Variants in EIF4E3 observed in about 807,000 individuals in gnomAD.
The protein encoded by EIF4E3 is eukaryotic translation initiation factor 4E family member 3.
A neutral mutation model predicts 31.7 loss-of-function variants in EIF4E3; 26 were observed. The observed-to-expected ratio is 0.82, with a 90% CI of 0.60 to 1.14. The LOEUF (loss-of-function observed/expected upper bound fraction) is 1.14. EIF4E3 is among the 50% of genes most tolerant of loss of function. EIF4E3 has a pLI of 0.00. For synonymous variants in EIF4E3, 128 were observed against 107.7 expected, an observed-to-expected ratio of 1.19 and a Z score of -1.17; for missense variants, 304 against 270.9, an observed-to-expected ratio of 1.12 and a Z score of -0.86.
At chr3:71,697,484 T>C (rs1356871702) in intron 3 of EIF4E3, among the ~76,000 whole-genome samples, 1 of 152,240 alleles carries the variant, frequency 6.6e-6, no homozygotes, top group African/African-American at 2.4e-5. Context: ...TTGTTAACTA[T>C]AGTTACCCTA....
intron 2 of EIF4E3, among the ~76,000 whole-genome samples, chr3:71,704,484 C>A (rs1054160828): frequency 2.6e-5 from 4 of 152,188 alleles, no homozygotes; most frequent in Non-Finnish European, 5.9e-5. Flanking sequence ...GCCGGGAGGG[C>A]CTGCCACAAC....
chr3:71,672,796 T>TA (rs546461574), downstream of EIF4E3, among the ~76,000 whole-genome samples: 201 of 152,182 alleles, frequency 1.3e-3, no homozygotes, highest in African/African-American at 4.6e-3. Context: ...TTTTTTTTTT[T>TA]AAACCTTTTC....
chr3:71,660,102 T>C, the EIF4E3 span, among the ~76,000 whole-genome samples: 59,710 of 152,018 alleles, frequency 0.39, 12,933 homozygotes, highest in East Asian at 0.74. Flanking sequence ...GGAGAAGCTC[T>C]GCTCTAGGGG....
At chr3:71,739,243 A>G (rs2049795793) in intron 1 of EIF4E3, among the ~76,000 whole-genome samples, 1 of 151,628 alleles carries the variant, frequency 6.6e-6, no homozygotes, top group Admixed American at 6.6e-5. Context: ...TAAGGAAGAG[A>G]AAAATAAAGA....
chr3:71,705,358 A>G (rs2049277368), intron 2 of EIF4E3, among the ~76,000 whole-genome samples: 1 of 152,204 alleles, frequency 6.6e-6, no homozygotes, highest in South Asian at 2.1e-4. Flanking sequence ...GCGGATATGA[A>G]GTCTTGATAT....
intron 4 of EIF4E3, 36 bp from the exon 5 acceptor site, chr3:71,693,977 A>C: frequency 6.6e-7 from 1 of 1,513,440 alleles, no homozygotes; most frequent in Non-Finnish European, 8.8e-7. Context: ...AAAACAAACA[A>C]AATACAGATA....
At chr3:71,734,369 C>G (rs1274481542) in intron 1 of EIF4E3, among the ~76,000 whole-genome samples, 1 of 152,140 alleles carries the variant, frequency 6.6e-6, no homozygotes, top group Non-Finnish European at 1.5e-5. Context: ...TCAAAACCTA[C>G]CAGGTCACTC....
At chr3:71,745,288 T>C (rs936491673) in intron 1 of EIF4E3, among the ~76,000 whole-genome samples, 1 of 152,182 alleles carries the variant, frequency 6.6e-6, no homozygotes, top group African/African-American at 2.4e-5. Context: ...TGTATGTATA[T>C]AGAGGGTGGG....
intron 6 of EIF4E3, among the ~76,000 whole-genome samples, chr3:71,689,570 C>T (rs148996971): frequency 4.3e-4 from 66 of 152,288 alleles, no homozygotes; most frequent in African/African-American, 1.3e-3. Context: ...CATTCAATCA[C>T]GCCTGTGCTC....
chr3:71,696,429 C>T (rs768988956), intron 4 of EIF4E3, 31 bp downstream of exon 4: 66 of 1,612,776 alleles, frequency 4.1e-5, no homozygotes, highest in Non-Finnish European at 4.4e-5. Context: ...CAAGCCTCGC[C>T]GGTTCTAGAA....
chr3:71,696,963 C>T (rs546728841), intron 3 of EIF4E3, among the ~76,000 whole-genome samples: 4 of 151,734 alleles, frequency 2.6e-5, no homozygotes, highest in South Asian at 2.1e-4. Context: ...CGTGATCCAC[C>T]GGTCTCGGCC....
chr3:71,689,968 T>G (rs779820888), intron 6 of EIF4E3, 42 bp downstream of exon 6: 1 of 1,511,860 alleles, frequency 6.6e-7, no homozygotes, highest in African/African-American at 1.4e-5. Flanking sequence ...AAAAGTATGA[T>G]AGAGTAAGCT....
At chr3:71,708,042 T>A (rs748953149) in intron 2 of EIF4E3, among the ~76,000 whole-genome samples, 1 of 151,820 alleles carries the variant, frequency 6.6e-6, no homozygotes, top group Non-Finnish European at 1.5e-5. Context: ...CCAGGCTAAT[T>A]TTTGTATTTT....
chr3:71,712,369 C>A (rs1578361439), intron 1 of EIF4E3, among the ~76,000 whole-genome samples: 1 of 152,238 alleles, frequency 6.6e-6, no homozygotes, highest in African/African-American at 2.4e-5. Flanking sequence ...TGGATAGATA[C>A]TAAGTTGGCT....
chr3:71,713,278 G>C lies in EIF4E3; in HGVS notation c.177-2794C>G, dbSNP rs1026192517. ...GCCCATAGCCACAAATATGTGATTT[G>C]AATACAGGTGACCCATTTGTGATTT... On this transcript the variant is annotated intron_variant, in intron 1 of 6. Transcript: ENST00000425534. 4.6e-5 allele frequency among the ~76,000 whole-genome samples: 7 copies of C among 152,298 alleles called. No individual in the cohort carries two copies. In the East Asian group the frequency reaches 1.4e-3, roughly 29 times the overall value.
downstream of EIF4E3, among the ~76,000 whole-genome samples, chr3:71,672,522 T>C (rs2048851937): frequency 6.6e-6 from 1 of 152,162 alleles, no homozygotes; most frequent in East Asian, 1.9e-4. Flanking sequence ...TATCCTTTTG[T>C]TACCCTAATC....
chr3:71,728,608 G>T, upstream of EIF4E3: 1 of 152,968 alleles, frequency 6.5e-6, no homozygotes. Context: ...AGGAAGAGAA[G>T]GTGACCCCAC....
chr3:71,675,280 C>G (rs529662015), downstream of EIF4E3: 1 of 152,216 alleles, frequency 6.6e-6, no homozygotes, highest in African/African-American at 2.4e-5. Flanking sequence ...AGGGCCTACA[C>G]GCTACATCAG....
chr3:71,676,046 C>T lies in EIF4E3; in HGVS notation c.*8636G>A, dbSNP rs1018372044. On this transcript the variant is annotated 3_prime_UTR_variant, in exon 7 of 7. Transcript: ENST00000425534. ...TGCTTAGATGGCATGGAACTCCATACATGCTATTGTTATTGTGGATATTAT... is the reference window on the plus strand; with the variant it reads ...TGCTTAGATGGCATGGAACTCCATATATGCTATTGTTATTGTGGATATTAT... The T allele has an allele frequency of 2.6e-5, 4 of 152,230 alleles. No homozygotes were observed. Among genetic ancestry groups the T allele is most frequent in the African/African-American group, 9.6e-5 (4 of 41,460 alleles). The allele number at this position is 152,230 out of a possible 1,614,324, so 9.4% of individuals were successfully genotyped here.
Sources: gnomAD v4.1 joint callset for allele counts (sites outside exome capture counted in the v4.1 genomes callset) on GRCh38, gnomAD v4.1.1 for gene constraint, MANE v1.5 for transcripts, NCBI Gene and HGNC (gene_info 2026-07-23, HGNC 2026-07-21) for gene names.